UBE2V1: variants seen among roughly 807,000 people sequenced by gnomAD.
UBE2V1 encodes the protein ubiquitin-conjugating enzyme E2 variant 1.
In UBE2V1, 15 loss-of-function variants were observed where a neutral mutation model predicts 19.6. The ratio of observed to expected loss-of-function variants is 0.77; its 90% CI spans 0.51 to 1.18. The LOEUF is 1.18. UBE2V1 is among the 50% of genes most tolerant of loss of function. UBE2V1 has a pLI of 0.00. For synonymous variants in UBE2V1, 60 were observed against 60.7 expected, an observed-to-expected ratio of 0.99 and a Z score of 0.05; for missense variants, 125 against 184.8, an observed-to-expected ratio of 0.68 and a Z score of 1.88.
chr20:50,101,571 C>CAAAAA lies in UBE2V1; in HGVS notation c.23-4756_23-4752dup, dbSNP rs11481618. On this transcript the variant is annotated intron_variant, in intron 1 of 3. Coordinates refer to ENST00000371674, the MANE Select transcript of UBE2V1 (RefSeq NM_001032288.3). ...TAGAACTGGACTTCACATTTATAAG[C>CAAAAA]AAAAAAAAAAAAAAAAAAAAAAAAA... 2.9e-3 allele frequency among the ~76,000 whole-genome samples: 204 copies of CAAAAA among 71,168 alleles called. 7 individuals carry two copies. The highest frequency in any genetic ancestry group is 8.1e-3 in the African/African-American group (166 of 20,538). 46.7% of individuals were successfully genotyped at this position (71,168 alleles called of 152,430 possible). A position where few individuals can be genotyped will look rare whatever the true frequency, so the allele number is the denominator to read the frequency against.
chr20:50,104,148 GGT>G lies in UBE2V1; in HGVS notation c.23-7330_23-7329del, dbSNP rs1403926588. On this transcript the variant is annotated intron_variant, in intron 1 of 3. Coordinates refer to ENST00000371674, the MANE Select transcript of UBE2V1 (RefSeq NM_001032288.3). ...AATACAAAAATTAGCTGGGCGTGGT[GGT>G]GCGCGCCTGTAATCCCAGCTACTCG... 3.3e-5 allele frequency among the ~76,000 whole-genome samples: 5 copies of G among 150,698 alleles called. No homozygotes were observed. In the East Asian group the frequency reaches 7.9e-4, roughly 24 times the overall value.
intron 2 of UBE2V1, among the ~76,000 whole-genome samples, chr20:50,095,575 T>C (rs2079571807): frequency 6.6e-6 from 1 of 152,246 alleles, no homozygotes; most frequent in Non-Finnish European, 1.5e-5. Context: ...TTAACGAACA[T>C]GTCACTTGTC....
At chr20:50,096,859 C>T in intron 1 of UBE2V1, 39 bp from the exon 2 acceptor site, 1 of 1,612,152 alleles carries the variant, frequency 6.2e-7, no homozygotes, top group Non-Finnish European at 8.5e-7. Context: ...ACCAGCAACT[C>T]CAGGGGAACT....
intron 1 of UBE2V1, among the ~76,000 whole-genome samples, chr20:50,103,779 C>A (rs1185725910): frequency 6.6e-6 from 1 of 152,018 alleles, no homozygotes; most frequent in African/African-American, 2.4e-5. Context: ...CTCAGAGACC[C>A]CGGTCCCGGT....
At position 50,084,116 on chromosome 20, in the gene UBE2V1, G is replaced by A. The variant is rs2078770394; in HGVS notation, c.297+13C>T. ...AACTCCAAGGAACAAGTGGGACAGA[G>A]AAAACAACTTACCACTCCATTAGAA... On this transcript the variant is annotated intron_variant, in intron 3 of 3. Coordinates refer to ENST00000371674, the MANE Select transcript of UBE2V1 (RefSeq NM_001032288.3). 2 of 1,565,322 alleles carry A rather than the reference G, an allele frequency of 1.3e-6. No homozygotes were observed. Among genetic ancestry groups the A allele is most frequent in the East Asian group, 4.5e-5 (2 of 44,666 alleles).
chr20:50,102,363 C>A (rs1294398264), intron 1 of UBE2V1, among the ~76,000 whole-genome samples: 1 of 152,126 alleles, frequency 6.6e-6, no homozygotes, highest in Non-Finnish European at 1.5e-5. Flanking sequence ...GGTCTGCAAA[C>A]CTCATTTTCT....
rs2079796589 is a variant in UBE2V1, at chr20:50,098,734, T to A, written c.23-1914A>T. On this transcript the variant is annotated intron_variant, in intron 1 of 3. Coordinates refer to ENST00000371674, the MANE Select transcript of UBE2V1 (RefSeq NM_001032288.3). ...ATGTTTAAGAATAACTTATTTAGGG[T>A]AAGTAATATACTAACTTCCCATTTA... The A allele has an allele frequency of 2.8e-5, 5 of 180,916 alleles. No individual in the cohort carries two copies. In the South Asian group the frequency reaches 9.3e-4, roughly 34 times the overall value. 11.2% of individuals were successfully genotyped at this position (180,916 alleles called of 1,614,324 possible). A position where few individuals can be genotyped will look rare whatever the true frequency, so the allele number is the denominator to read the frequency against.
In UBE2V1 at chr20:50,113,091, C is replaced by T; in HGVS notation, c.22+16G>A. ...CCATGCCCCCTCGGCCGGCCGGGCC[C>T]GGCGCCCCCGCTCACCCGAGCCCGT... On this transcript the variant is annotated intron_variant, in intron 1 of 3. Coordinates refer to ENST00000371674, the MANE Select transcript of UBE2V1 (RefSeq NM_001032288.3). 2 of 1,265,198 alleles carry T rather than the reference C, an allele frequency of 1.6e-6. No individual in the cohort carries two copies. Among genetic ancestry groups the T allele is most frequent in the Non-Finnish European group, 1.0e-6 (1 of 968,448 alleles). The allele number at this position is 1,265,198 out of a possible 1,614,324, so 78.4% of individuals were successfully genotyped here. A position where few individuals can be genotyped will look rare whatever the true frequency, so the allele number is the denominator to read the frequency against.
intron 2 of UBE2V1, chr20:50,095,825 T>C (rs1036525183): frequency 1.3e-5 from 2 of 152,182 alleles, no homozygotes; most frequent in African/African-American, 4.8e-5. Flanking sequence ...TCTTCTATAA[T>C]GGTAACAGAT....
chr20:50,095,660 A>C (rs1272138862), intron 2 of UBE2V1: 1 of 152,246 alleles, frequency 6.6e-6, no homozygotes, highest in Admixed American at 6.5e-5. Flanking sequence ...GCACACAATC[A>C]AAAGAATGAA....
At chr20:50,109,773 G>T (rs2080632200) in intron 1 of UBE2V1, among the ~76,000 whole-genome samples, 1 of 146,042 alleles carries the variant, frequency 6.8e-6, no homozygotes, top group African/African-American at 2.5e-5. Context: ...AAAAAAGCTT[G>T]CACTAGCCCA....
chr20:50,109,842 A>AT (rs2080637856), intron 1 of UBE2V1, among the ~76,000 whole-genome samples: 1 of 152,112 alleles, frequency 6.6e-6, no homozygotes, highest in Non-Finnish European at 1.5e-5. Context: ...GCTGAGCACA[A>AT]TATGAAGCTG....
chr20:50,089,858 G>T (rs2269217), intron 2 of UBE2V1, among the ~76,000 whole-genome samples: 1 of 152,180 alleles, frequency 6.6e-6, no homozygotes, highest in Admixed American at 6.5e-5. Flanking sequence ...AAAAGTAGGA[G>T]GCATTTGACC....
At chr20:50,104,334 G>A in intron 1 of UBE2V1, 1 of 982,936 alleles carries the variant, frequency 1.0e-6, no homozygotes, top group Non-Finnish European at 1.2e-6. Context: ...AATCTACTGG[G>A]TCCAAAATAT....
intron 1 of UBE2V1, among the ~76,000 whole-genome samples, chr20:50,105,028 A>C (rs1300411647): frequency 6.6e-6 from 1 of 152,182 alleles, no homozygotes; most frequent in Non-Finnish European, 1.5e-5. Context: ...CACCCAGCCT[A>C]GTTTTATTTT....
intron 1 of UBE2V1, among the ~76,000 whole-genome samples, chr20:50,110,204 T>C (rs2080664068): frequency 1.3e-5 from 2 of 152,226 alleles, no homozygotes; most frequent in Admixed American, 6.5e-5. Context: ...AGGGCCACTA[T>C]TTGATGTGCT....
chr20:50,088,764 T>G (rs2079061531), intron 2 of UBE2V1, among the ~76,000 whole-genome samples: 1 of 134,970 alleles, frequency 7.4e-6, no homozygotes, highest in Admixed American at 8.1e-5. Flanking sequence ...TCAGCCTGGG[T>G]GACAGAATGA....
chr20:50,103,841 T>A (rs760998298), intron 1 of UBE2V1, among the ~76,000 whole-genome samples: 14 of 152,006 alleles, frequency 9.2e-5, no homozygotes, highest in South Asian at 4.2e-4. Flanking sequence ...TTCTTTACAT[T>A]TGATTTTCTT....
intron 1 of UBE2V1, among the ~76,000 whole-genome samples, chr20:50,108,545 G>C (rs934001620): frequency 6.6e-6 from 1 of 152,180 alleles, no homozygotes; most frequent in Non-Finnish European, 1.5e-5. Context: ...CCTCAGGCTA[G>C]TCACTCCTCT....
Sources: allele counts gnomAD v4.1 joint callset (sites outside exome capture counted in the v4.1 genomes callset), GRCh38; gene constraint gnomAD v4.1.1; transcripts MANE v1.5; gene names NCBI Gene and HGNC (gene_info 2026-07-23, HGNC 2026-07-21).